The following FKBP1B variants were observed in gnomAD, a reference collection of about 807,000 sequenced individuals.
The protein encoded by FKBP1B is peptidyl-prolyl cis-trans isomerase FKBP1B.
In FKBP1B, 4 loss-of-function variants were observed where a neutral mutation model predicts 13.5. The observed-to-expected ratio is 0.30, with a 90% confidence interval of 0.15 to 0.68. FKBP1B has a LOEUF of 0.68. Ranked by LOEUF, FKBP1B falls within the 30% of genes least tolerant of loss-of-function variation. FKBP1B has a pLI of 0.76. For missense variants in FKBP1B, 93 were observed against 136.2 expected (o/e 0.68, Z 1.58); for synonymous variants, 54 against 53.6 (o/e 1.01, Z -0.03).
intron 2 of FKBP1B, 36 bp downstream of exon 2, chr2:24,053,985 C>A (rs967673623): frequency 6.9e-6 from 11 of 1,601,088 alleles, no homozygotes; most frequent in Non-Finnish European, 9.4e-6. Flanking sequence ...CCCAGTCCTT[C>A]CCCTCCCAAG....
In FKBP1B at chr2:24,063,303, C is replaced by A; in HGVS notation, c.*111C>A. 2 of 1,020,286 alleles carry A rather than the reference C, an allele frequency of 2.0e-6. No individual in the cohort carries two copies. Among genetic ancestry groups the A allele is most frequent in the Non-Finnish European group, 1.4e-6 (1 of 728,184 alleles). The allele number at this position is 1,020,286 out of a possible 1,614,324, so 63.2% of individuals were successfully genotyped here. A position where few individuals can be genotyped will look rare whatever the true frequency, so the allele number is the denominator to read the frequency against. ...GGGCTCTTGATCAGTGTGCTAACCT[C>A]ACTGCCTCATGGCATCATCCATTCT... On this transcript the variant is annotated 3_prime_UTR_variant, in exon 4 of 4. Coordinates refer to ENST00000380986, the MANE Select transcript of FKBP1B (RefSeq NM_004116.5).
At chr2:24,049,604 A>G (rs1663746643), upstream of FKBP1B, 2 of 359,998 alleles carry the variant, frequency 5.6e-6, no homozygotes, top group Non-Finnish European at 9.9e-6. Flanking sequence ...CAGGCTCGCT[A>G]ACAGCCGGGC....
chr2:24,036,921 T>C, the FKBP1B span, among the ~76,000 whole-genome samples: 4 of 152,274 alleles, frequency 2.6e-5, no homozygotes, highest in Admixed American at 6.5e-5. Flanking sequence ...ATATTTTATA[T>C]AGGAGGAAAG....
At position 24,063,481 on chromosome 2, in the gene FKBP1B, G is replaced by T; in HGVS notation, c.*289G>T. On this transcript the variant is annotated 3_prime_UTR_variant, in exon 4 of 4. Coordinates refer to ENST00000380986, the MANE Select transcript of FKBP1B (RefSeq NM_004116.5). ...ATGACAGAACACAGATCTCTTGTTC[G>T]CACAATCTACACTGCCTTACCTTCA... is the stretch of plus-strand genomic sequence containing the variant. 1 of 327,454 alleles carries T rather than the reference G, an allele frequency of 3.1e-6. No homozygotes were observed. Among genetic ancestry groups the T allele is most frequent in the South Asian group, 1.0e-4 (1 of 9,666 alleles). The allele number at this position is 327,454 out of a possible 1,614,324, so 20.3% of individuals were successfully genotyped here.
chr2:24,043,669 ATC>A, the FKBP1B span, among the ~76,000 whole-genome samples: 1 of 152,152 alleles, frequency 6.6e-6, no homozygotes, highest in African/African-American at 2.4e-5. Flanking sequence ...TCTCCAAAAC[ATC>A]TCTCACCAGG....
the FKBP1B span, among the ~76,000 whole-genome samples, chr2:24,037,035 C>G: frequency 1.3e-5 from 2 of 152,216 alleles, no homozygotes; most frequent in Admixed American, 1.3e-4. Context: ...ATAACCTTTT[C>G]CTTTTTCTTT....
chr2:24,048,470 C>CAAAAA (rs11367799), upstream of FKBP1B, among the ~76,000 whole-genome samples: 1 of 87,040 alleles, frequency 1.1e-5, no homozygotes, highest in African/African-American at 4.2e-5. Context: ...GATTCTGTCT[C>CAAAAA]AAAAAAAAAA....
chr2:24,050,307 A>T lies in FKBP1B; in HGVS notation c.37+421A>T, dbSNP rs545683132. Among the ~76,000 whole-genome samples the T allele has an allele frequency of 1.3e-5, 2 of 152,160 alleles. No homozygotes were observed. The highest frequency in any genetic ancestry group is 6.5e-5 in the Admixed American group (1 of 15,298). On this transcript the variant is annotated intron_variant, in intron 1 of 3. Transcript: ENST00000380986. This position sits in a 1 kb window ranked among gnomAD's most constrained non-coding sequence, Gnocchi z 5.8. ...ACCCGCTGCTCGGGGACCTCCTCCT[A>T]GCGCGTCCCCCGCCGGGCCTCCCCT...
At chr2:24,053,702 G>A (rs1663984220) in intron 1 of FKBP1B, among the ~76,000 whole-genome samples, 200 bp from the exon 2 acceptor site, 1 of 152,056 alleles carries the variant, frequency 6.6e-6, no homozygotes, top group African/African-American at 2.4e-5. Context: ...AGAAAATTGA[G>A]GGGGTAAAGT....
chr2:24,038,160 C>G, the FKBP1B span: 20 of 1,614,074 alleles, frequency 1.2e-5, no homozygotes, highest in African/African-American at 2.7e-5. Context: ...AGTAGGTAGT[C>G]TGGCTTTCAC....
chr2:24,049,921 G>A, intron 1 of FKBP1B, 35 bp downstream of exon 1: 1 of 1,382,346 alleles, frequency 7.2e-7, no homozygotes, highest in Non-Finnish European at 9.4e-7. Flanking sequence ...GGGAGGGGAG[G>A]GGTCCCGGGG....
the FKBP1B span, chr2:24,039,022 C>T: frequency 2.7e-5 from 43 of 1,613,948 alleles, no homozygotes; most frequent in Admixed American, 2.3e-4. Context: ...ACAGTGAATG[C>T]GGCCCTGGGT....
At position 24,049,868 on chromosome 2, in the gene FKBP1B, A is replaced by G; in HGVS notation, c.19A>G (p.Thr7Ala). The change falls in exon 1 of 4, where the codon ACC becomes GCC. Residue 7 changes from threonine (T) to alanine (A), a missense_variant. By Grantham distance (58) the Thr-to-Ala change is moderately conservative (BLOSUM62 0). Coordinates refer to ENST00000380986, the MANE Select transcript of FKBP1B (RefSeq NM_004116.5). MGVEIE[T>A]ISPGDGRTFP... Reference sequence around the variant, plus strand: ...GACCGCTATGGGCGTGGAGATCGAGACCATCTCCCCCGGAGACGGTACCGG... The same window carrying G: ...GACCGCTATGGGCGTGGAGATCGAGGCCATCTCCCCCGGAGACGGTACCGG... 7.0e-7 allele frequency: 1 copy of G among 1,423,192 alleles called. No homozygotes were observed. Among genetic ancestry groups the G allele is most frequent in the Non-Finnish European group, 9.2e-7 (1 of 1,086,862 alleles). 88.2% of individuals were successfully genotyped at this position (1,423,192 alleles called of 1,614,324 possible). A position where few individuals can be genotyped will look rare whatever the true frequency, so the allele number is the denominator to read the frequency against.
chr2:24,046,091 G>T (rs1663616331), upstream of FKBP1B, among the ~76,000 whole-genome samples: 2 of 150,928 alleles, frequency 1.3e-5, no homozygotes, highest in Non-Finnish European at 3.0e-5. Context: ...TCCAGCCTGG[G>T]TGACAGAGTG....
upstream of FKBP1B, among the ~76,000 whole-genome samples, chr2:24,048,586 G>T (rs2150957979): frequency 6.6e-6 from 1 of 151,756 alleles, no homozygotes; most frequent in Non-Finnish European, 1.5e-5. Context: ...CTACAGTGTT[G>T]AGATTACAGG....
intron 2 of FKBP1B, among the ~76,000 whole-genome samples, chr2:24,055,964 A>G (rs180831008): frequency 2.1e-4 from 32 of 152,108 alleles, no homozygotes; most frequent in African/African-American, 7.2e-4. Flanking sequence ...GTCCTCCCCA[A>G]CACTTGTTAT....
the FKBP1B span, chr2:24,039,050 C>A: frequency 6.2e-7 from 1 of 1,614,144 alleles, no homozygotes; most frequent in African/African-American, 1.3e-5. Context: ...TCTGCCTTTA[C>A]CTGGGAATCA....
the FKBP1B span, chr2:24,037,847 T>A: frequency 3.7e-6 from 6 of 1,614,216 alleles, no homozygotes; most frequent in Non-Finnish European, 3.4e-6. Context: ...TCCTTTTCAC[T>A]TTGTAAGTTC....
intron 2 of FKBP1B, among the ~76,000 whole-genome samples, chr2:24,059,372 T>TGGTG (rs1553320911): frequency 4.8e-5 from 7 of 144,476 alleles, no homozygotes; most frequent in African/African-American, 8.2e-5. Context: ...GACCAGCACC[T>TGGTG]GGGGGGGGGT....
Sources: gnomAD v4.1 joint callset for allele counts (sites outside exome capture counted in the v4.1 genomes callset) on GRCh38, gnomAD v4.1.1 for gene constraint, Gnocchi (gnomAD v3.1) non-coding constraint, MANE v1.5 for transcripts, NCBI Gene and HGNC (gene_info 2026-07-23, HGNC 2026-07-21) for gene names.